The following ITGA2B variants were observed in gnomAD, a reference collection of about 807,000 sequenced individuals.
ITGA2B encodes integrin alpha-IIb.
Under a neutral mutation model 142.0 loss-of-function variants are expected in ITGA2B, and 91 were observed. The ratio of observed to expected loss-of-function variants is 0.64; its 90% CI spans 0.54 to 0.76. The LOEUF (loss-of-function observed/expected upper bound fraction) is 0.76. Ranked by LOEUF, ITGA2B falls within the 30% of genes least tolerant of loss-of-function variation. ITGA2B has a pLI of 0.00. For synonymous variants in ITGA2B, 536 were observed against 567.2 expected (o/e 0.94, Z 0.78); for missense variants, 1,231 against 1,350.8 (o/e 0.91, Z 1.39).
chr17:44,372,314 G>C lies in ITGA2B; in HGVS notation c.*50C>G. The C allele has an allele frequency of 6.3e-7, 1 of 1,577,352 alleles. No homozygotes were observed. Among genetic ancestry groups the C allele is most frequent in the Non-Finnish European group, 8.7e-7 (1 of 1,146,628 alleles). ...GAGGCAACTTGTTGGAGAAGGGGCG[G>C]TGCAGGTAGCACGCCCAACCCTCCT... On this transcript the variant is annotated 3_prime_UTR_variant, in exon 30 of 30. Transcript: ENST00000262407.
chr17:44,387,445 C>G (rs575600535), intron 1 of ITGA2B, among the ~76,000 whole-genome samples: 1 of 152,002 alleles, frequency 6.6e-6, no homozygotes, highest in South Asian at 2.1e-4. Context: ...ATCGTTTGAA[C>G]CCAGGAGGCA....
rs1258205832 is a variant in ITGA2B, at chr17:44,376,122, A to C, written c.2411T>G (p.Leu804Trp). The part of the protein sequence containing the change: ...AEEGEREQNS[L>W]DSWGPKVEHT... ...CTCCACTTTGGGTCCCCAGCTGTCC[A>C]AGCTGTTCTGCTCCCTCTCACCTTC... Residue 804 changes from leucine to tryptophan, a missense_variant, in exon 24 of 30, where the codon TTG (leucine) becomes TGG (tryptophan). Around this residue, in one of 3 missense-constraint regions of ITGA2B, gnomAD observed 908 missense variants for 1,021.1 expected, o/e 0.89. Coordinates refer to ENST00000262407, the MANE Select transcript of ITGA2B (RefSeq NM_000419.5). 4 of 1,613,994 alleles carry C rather than the reference A, an allele frequency of 2.5e-6. No homozygotes were observed.
rs369344450 is a variant in ITGA2B, at chr17:44,377,087, A to C, written c.2189T>G (p.Ile730Arg). 56 of 1,570,748 alleles carry C rather than the reference A, an allele frequency of 3.6e-5. No individual in the cohort carries two copies. The highest frequency in any genetic ancestry group is 5.4e-5 in the African/African-American group (4 of 74,136). The change falls in exon 22 of 30, where the codon ATA becomes AGA. Residue 730 changes from isoleucine (I) to arginine (R), a missense_variant and splice_region_variant. Around this residue, in one of 3 missense-constraint regions of ITGA2B, gnomAD observed 908 missense variants for 1,021.1 expected, o/e 0.89. Coordinates refer to ENST00000262407, the MANE Select transcript of ITGA2B (RefSeq NM_000419.5). ...CACGCTCACCAACATCGCGATTCCT[A>C]TCTGGGAGATGAGGAGGGCCAAGGT... ...LGNPMKKNAQ[I>R]GIAMLVSVGN...
At chr17:44,378,622 C>A (rs2048566212) in intron 19 of ITGA2B, 21 bp downstream of exon 19, 1 of 1,572,910 alleles carries the variant, frequency 6.4e-7, no homozygotes, top group South Asian at 1.2e-5. Flanking sequence ...CAGGGTCGGG[C>A]AGAATGGGAG....
chr17:44,375,044 G>GC lies in ITGA2B; in HGVS notation c.2794dup (p.Ala932GlyfsTer104). On this transcript the variant is annotated frameshift_variant, in exon 27 of 30. Coordinates refer to ENST00000262407, the MANE Select transcript of ITGA2B (RefSeq NM_000419.5). LOFTEE classifies it high-confidence loss of function. ...CAGGAAGGCCAGCACCGTGACCATG[G>GC]CCCGCTGCCCGCGCGCCATCTCCTG... The GC allele has an allele frequency of 6.5e-7, 1 of 1,546,468 alleles. No individual in the cohort carries two copies. The highest frequency in any genetic ancestry group is 8.7e-7 in the Non-Finnish European group (1 of 1,146,894).
intron 27 of ITGA2B, 74 bp from the exon 28 acceptor site, chr17:44,374,834 C>G: frequency 2.1e-6 from 3 of 1,406,662 alleles, no homozygotes; most frequent in Non-Finnish European, 3.0e-6. Context: ...GGTCCCACAC[C>G]CCCGGCGGGG....
At chr17:44,377,430 G>A (rs1056147889) in intron 21 of ITGA2B, among the ~76,000 whole-genome samples, 2 of 151,930 alleles carry the variant, frequency 1.3e-5, no homozygotes, top group Non-Finnish European at 2.9e-5. Context: ...TCCTGACCTC[G>A]TGATCCACCC....
At position 44,376,393 on chromosome 17, in the gene ITGA2B, A is replaced by C. The variant is rs1567899216; in HGVS notation, c.2268-5T>G. 1.2e-6 allele frequency: 2 copies of C among 1,613,940 alleles called. No individual in the cohort carries two copies. Among genetic ancestry groups the C allele is most frequent in the Non-Finnish European group, 1.7e-6 (2 of 1,179,928 alleles). ...TTTGGATTCTGGCTGTTCTTGCTAG[A>C]GGGGAGGGGATGAGGAGAAACAGGG... On this transcript the variant is annotated splice_polypyrimidine_tract_variant and splice_region_variant and intron_variant, in intron 22 of 29. Coordinates refer to ENST00000262407, the MANE Select transcript of ITGA2B (RefSeq NM_000419.5).
chr17:44,376,963 C>G (rs1357274442), intron 22 of ITGA2B, 46 bp downstream of exon 22: 2 of 1,488,970 alleles, frequency 1.3e-6, no homozygotes, highest in East Asian at 4.8e-5. Context: ...GCACGGGGGT[C>G]AGACGGGGGA....
Position 44,377,056 on chromosome 17 carries a change from A to G in ITGA2B, c.2220T>C (p.Asn740=). 1 of 1,591,244 alleles carries G rather than the reference A, an allele frequency of 6.3e-7. No homozygotes were observed. The highest frequency in any genetic ancestry group is 8.6e-7 in the Non-Finnish European group (1 of 1,168,988). Residue 740 remains asparagine (N), a synonymous_variant, in exon 22 of 30, where the codon AAT becomes AAC. Coordinates refer to ENST00000262407, the MANE Select transcript of ITGA2B (RefSeq NM_000419.5). The part of the protein sequence containing the change: ...IGIAMLVSVG[N]LEEAGESVSF... Reference sequence around the variant, plus strand: ...ACACAGACTCCCCAGCCTCTTCCAGATTCCCCACGCTCACCAACATCGCGA... The same window carrying G: ...ACACAGACTCCCCAGCCTCTTCCAGGTTCCCCACGCTCACCAACATCGCGA...
chr17:44,379,067 C>T (rs1227717254), intron 18 of ITGA2B, among the ~76,000 whole-genome samples: 1 of 151,564 alleles, frequency 6.6e-6, no homozygotes, highest in African/African-American at 2.4e-5. Flanking sequence ...CTGCCTCAGC[C>T]TCCCAAGTAG....
In ITGA2B at chr17:44,372,245, C is replaced by T. The variant is rs1405131260; in HGVS notation, c.*119G>A. ...TAGCCCAGCTCTGTTGGGAGGGAAACGACACCAAGAGGACCCAATGGAACA... is the reference window on the plus strand; with the variant it reads ...TAGCCCAGCTCTGTTGGGAGGGAAATGACACCAAGAGGACCCAATGGAACA... On this transcript the variant is annotated 3_prime_UTR_variant, in exon 30 of 30. Coordinates refer to ENST00000262407, the MANE Select transcript of ITGA2B (RefSeq NM_000419.5). 7 of 1,002,146 alleles carry T rather than the reference C, an allele frequency of 7.0e-6. No individual in the cohort carries two copies. Among genetic ancestry groups the T allele is most frequent in the Admixed American group, 1.9e-5 (1 of 53,824 alleles). The allele number at this position is 1,002,146 out of a possible 1,614,324, so 62.1% of individuals were successfully genotyped here.
Position 44,380,123 on chromosome 17 carries a change from T to G in ITGA2B, c.1631A>C (p.Gln544Pro). ...CACCCGCCGGCCCTGGCGGGGCTTC[T>G]GCCGGTCCAGCTGCAGCTCGGCATT... is the stretch of plus-strand genomic sequence containing the variant. ...SLNAELQLDR[Q>P]KPRQGRRVLL... The change falls in exon 17 of 30, where the codon CAG (glutamine) becomes CCG (proline). Residue 544 changes from glutamine to proline, a missense_variant. Physicochemically the swap from Gln to Pro is moderately conservative, Grantham distance 76. Around this residue, in one of 3 missense-constraint regions of ITGA2B, gnomAD observed 908 missense variants for 1,021.1 expected, o/e 0.89. Coordinates refer to ENST00000262407, the MANE Select transcript of ITGA2B (RefSeq NM_000419.5). 6.2e-7 allele frequency: 1 copy of G among 1,613,888 alleles called. No individual in the cohort carries two copies. The highest frequency in any genetic ancestry group is 8.5e-7 in the Non-Finnish European group (1 of 1,179,978).
intron 27 of ITGA2B, 31 bp downstream of exon 27, chr17:44,374,966 GC>G (rs1258978010): frequency 1.3e-5 from 19 of 1,465,804 alleles, no homozygotes; most frequent in Non-Finnish European, 1.5e-5. Context: ...CGCCCAGAAG[GC>G]CCGGCCCCGC....
intron 1 of ITGA2B, among the ~76,000 whole-genome samples, chr17:44,388,650 C>A (rs1405386083): frequency 6.6e-6 from 1 of 151,946 alleles, no homozygotes; most frequent in Non-Finnish European, 1.5e-5. Context: ...TCCCGAGTAG[C>A]TGGGACTACA....
At position 44,380,048 on chromosome 17, in the gene ITGA2B, C is replaced by T; in HGVS notation, c.1706G>A (p.Gly569Asp). The part of the protein sequence containing the change: ...QAGTTLNLDL[G>D]GKHSPICHTT... ...GTGGCAGATGGGGCTGTGCTTTCCG[C>T]CCAGATCCAGGTTCAGGGTGGTGCC... The change falls in exon 17 of 30, where the codon GGC becomes GAC. Residue 569 changes from glycine to aspartate, a missense_variant. Around this residue, in one of 3 missense-constraint regions of ITGA2B, gnomAD observed 908 missense variants for 1,021.1 expected, o/e 0.89. Transcript: ENST00000262407. 1.2e-6 allele frequency: 2 copies of T among 1,613,958 alleles called. No individual in the cohort carries two copies. The highest frequency in any genetic ancestry group is 1.7e-6 in the Non-Finnish European group (2 of 1,180,044).
rs745315165 is a variant in ITGA2B, at chr17:44,372,441, C to T, written c.3061-18G>A. ...AAGCCGACCTGGGGGTACACGGGGG[C>T]CAAGGTCAGGGTATACAGATGATTT... On this transcript the variant is annotated intron_variant, in intron 29 of 29. Transcript: ENST00000262407. 1.9e-6 allele frequency: 3 copies of T among 1,613,182 alleles called. No individual in the cohort carries two copies. In the South Asian group the frequency reaches 3.3e-5, roughly 18 times the overall value.
At chr17:44,378,282 C>T in intron 20 of ITGA2B, 80 bp downstream of exon 20, 1 of 1,506,510 alleles carries the variant, frequency 6.6e-7, no homozygotes, top group South Asian at 1.3e-5. Context: ...AGAAGAGGGA[C>T]TCTCAGGGAG....
Position 44,385,713 on chromosome 17 carries a change from A to G in ITGA2B, c.412T>C (p.Cys138Arg). ...VVSWSDVIVA[C>R]APWQHWNVLE... ...ACGTTCCAGTGCTGCCAGGGGGCGC[A>G]GGCCTGGAGAAAGGCCACAGGAGTG... The change falls in exon 4 of 30, where the codon TGC becomes CGC. Residue 138 changes from cysteine (C) to arginine (R), a missense_variant. Physicochemically the swap from Cys to Arg is radical, Grantham distance 180 (BLOSUM62 -3). Coordinates refer to ENST00000262407, the MANE Select transcript of ITGA2B (RefSeq NM_000419.5). 1 of 1,613,620 alleles carries G rather than the reference A, an allele frequency of 6.2e-7. No individual in the cohort carries two copies.
Sources: gnomAD v4.1 joint callset for allele counts (sites outside exome capture counted in the v4.1 genomes callset) on GRCh38, gnomAD v4.1.1 for gene constraint, gnomAD v4.1.1 regional missense constraint, MANE v1.5 for transcripts, NCBI Gene and HGNC (gene_info 2026-07-23, HGNC 2026-07-21) for gene names.